TPRG1: variants seen among roughly 807,000 people sequenced by gnomAD.
The protein encoded by TPRG1 is tumor protein p63-regulated gene 1 protein.
Under a neutral mutation model 29.3 loss-of-function variants are expected in TPRG1, and 29 were observed. That is an observed-to-expected ratio of 0.99 (90% CI 0.74 to 1.35). The LOEUF (loss-of-function observed/expected upper bound fraction) is 1.35. TPRG1 is among the 40% of genes most tolerant of loss of function. The probability of loss-of-function intolerance (pLI) is 0.00; values close to 1 mark genes in which losing one functional copy is unlikely to be tolerated. For synonymous variants in TPRG1, 130 were observed against 116.8 expected (o/e 1.11, Z -0.73); for missense variants, 327 against 335.0 (o/e 0.98, Z 0.19).
At position 189,322,090 on chromosome 3, in the gene TPRG1, A is replaced by G. The variant is rs1048566412; in HGVS notation, c.*1270A>G. 10 of 151,876 alleles carry G rather than the reference A, an allele frequency of 6.6e-5. No individual in the cohort carries two copies. The highest frequency in any genetic ancestry group is 3.3e-4 in the Admixed American group (5 of 15,230). 9.4% of individuals were successfully genotyped at this position (151,876 alleles called of 1,614,324 possible). On this transcript the variant is annotated 3_prime_UTR_variant, in exon 6 of 6. Coordinates refer to ENST00000345063, the MANE Select transcript of TPRG1 (RefSeq NM_198485.4). ...TCTTATTTTATCTAAATTTATGTAG[A>G]AAAAAAAGCTTTGAATGTTGACTAC...
chr3:189,286,090 G>T (rs1315610736), intron 4 of TPRG1, among the ~76,000 whole-genome samples: 1 of 151,822 alleles, frequency 6.6e-6, no homozygotes, highest in East Asian at 1.9e-4. Flanking sequence ...GGCTTCCTTG[G>T]TACTTCTTTT....
intron 5 of TPRG1, among the ~76,000 whole-genome samples, chr3:189,160,175 T>C (rs1578598306): frequency 6.6e-6 from 1 of 152,106 alleles, no homozygotes; most frequent in Middle Eastern, 3.4e-3. Flanking sequence ...GGGTCATGAG[T>C]TGACTCTTCT....
intron 1 of TPRG1, among the ~76,000 whole-genome samples, chr3:189,120,675 A>G (rs767168944): frequency 6.6e-6 from 1 of 152,256 alleles, no homozygotes; most frequent in African/African-American, 2.4e-5. Flanking sequence ...AGTAATGTCT[A>G]GGATTAATCC....
At chr3:188,999,259 T>A (rs1329105667) in intron 1 of TPRG1, among the ~76,000 whole-genome samples, 1 of 152,008 alleles carries the variant, frequency 6.6e-6, no homozygotes, top group Non-Finnish European at 1.5e-5. Context: ...GGACTCCCTG[T>A]TGGATTAAAT....
At chr3:189,280,808 G>A (rs929049629) in intron 4 of TPRG1, among the ~76,000 whole-genome samples, 1 of 152,148 alleles carries the variant, frequency 6.6e-6, no homozygotes, top group Non-Finnish European at 1.5e-5. Flanking sequence ...TCATAGCGTT[G>A]TATTAAAGAT....
intron 3 of TPRG1, among the ~76,000 whole-genome samples, chr3:189,236,152 T>G (rs1739424387): frequency 6.6e-6 from 1 of 152,216 alleles, no homozygotes; most frequent in Non-Finnish European, 1.5e-5. Flanking sequence ...CCTGTATGTT[T>G]ACTTGAATTT....
At chr3:189,087,766 C>G (rs1200123395) in intron 4 of TPRG1, among the ~76,000 whole-genome samples, 2 of 152,176 alleles carry the variant, frequency 1.3e-5, no homozygotes, top group African/African-American at 4.8e-5. Flanking sequence ...AATAGGGAAT[C>G]CTTTCCCCAT....
chr3:189,288,370 A>G (rs773639465), intron 4 of TPRG1, among the ~76,000 whole-genome samples: 5 of 152,234 alleles, frequency 3.3e-5, no homozygotes, highest in Non-Finnish European at 5.9e-5. Flanking sequence ...AGGCCAATGT[A>G]CATTGCAGGA....
Position 189,272,713 on chromosome 3 carries a change from C to CCT in TPRG1, c.479+33804_479+33805insCT, listed in dbSNP as rs1553935880. Among the ~76,000 whole-genome samples the CCT allele has an allele frequency of 1.2e-3, 165 of 132,506 alleles. 1 individual carries two copies. Among genetic ancestry groups the CCT allele is most frequent in the Middle Eastern group, 3.6e-3 (1 of 274 alleles). 86.9% of individuals were successfully genotyped at this position (132,506 alleles called of 152,430 possible). The stretch of plus-strand genomic sequence containing the variant: ...TTTCTTTCTCTTTCTTTCTTTCTTT[C>CCT]TCCTTCCTTCCTTCCTTCCTTCCTT... On this transcript the variant is annotated intron_variant, in intron 4 of 5. Coordinates refer to ENST00000345063, the MANE Select transcript of TPRG1 (RefSeq NM_198485.4).
chr3:189,265,987 G>A (rs185103350), intron 4 of TPRG1, among the ~76,000 whole-genome samples: 1 of 152,080 alleles, frequency 6.6e-6, no homozygotes, highest in Admixed American at 6.6e-5. Context: ...ATAGGAGAAG[G>A]GTTCCTGCCA....
Position 189,239,101 on chromosome 3 carries a change from A to G in TPRG1, c.479+192A>G, listed in dbSNP as rs1740066332. Reference sequence around the variant, plus strand: ...TCCAGGGATACAACTTTAAGTAAATATATTAGTTCGTTTTCACACTGCTCA... The same window carrying G: ...TCCAGGGATACAACTTTAAGTAAATGTATTAGTTCGTTTTCACACTGCTCA... On this transcript the variant is annotated intron_variant, in intron 4 of 5. Transcript: ENST00000345063. 1.8e-5 allele frequency: 9 copies of G among 501,060 alleles called. No homozygotes were observed. The East Asian group carries it at 2.9e-4, about 16-fold the overall frequency. 31.0% of individuals were successfully genotyped at this position (501,060 alleles called of 1,614,324 possible). A position where few individuals can be genotyped will look rare whatever the true frequency, so the allele number is the denominator to read the frequency against.
chr3:189,218,039 C>T (rs1736334124), intron 3 of TPRG1: 1 of 985,256 alleles, frequency 1.0e-6, no homozygotes, highest in Middle Eastern at 5.2e-4. Context: ...TTCTTGCTTC[C>T]CATTTATTTA....
intron 5 of TPRG1, among the ~76,000 whole-genome samples, chr3:189,159,616 T>C (rs1727183164): frequency 6.6e-6 from 1 of 152,176 alleles, no homozygotes; most frequent in East Asian, 1.9e-4. Flanking sequence ...TTGTTATTAC[T>C]AGCAATCTGA....
At position 189,147,832 on chromosome 3, in the gene TPRG1, G is replaced by T. The variant is rs544431635; in HGVS notation, c.-227+185G>T. On this transcript the variant is annotated intron_variant, in intron 4 of 6. Transcript: ENST00000412373. ...GCTTGAGTCTGGCAGATGGGGGTGG[G>T]CAGGAGGTTAAGGAACTTCAGCAGA... 6.3e-4 allele frequency among the ~76,000 whole-genome samples: 96 copies of T among 152,272 alleles called. 2 individuals carry two copies. The highest frequency in any genetic ancestry group is 2.3e-3 in the African/African-American group (94 of 41,556).
At chr3:189,099,788 T>C (rs547681613), upstream of TPRG1, among the ~76,000 whole-genome samples, 6 of 152,316 alleles carry the variant, frequency 3.9e-5, no homozygotes, top group Non-Finnish European at 5.9e-5. Context: ...AAAACGATAC[T>C]GTCCCTTTCC....
intron 5 of TPRG1, among the ~76,000 whole-genome samples, chr3:189,312,091 TTCTTTGTTTCTTTG>T (rs1560688562): frequency 2.1e-5 from 2 of 96,940 alleles, no homozygotes; most frequent in Admixed American, 1.8e-4. Context: ...GTTTCTTTCT[TTCTTTGTTTCTTTG>T]TTTCTTTCTT....
At chr3:189,001,295 C>T (rs1265583693) in intron 2 of TPRG1, among the ~76,000 whole-genome samples, 1 of 152,110 alleles carries the variant, frequency 6.6e-6, no homozygotes, top group Non-Finnish European at 1.5e-5. Flanking sequence ...ACCTTTTTGT[C>T]TTGAAGAAAT....
intron 4 of TPRG1, among the ~76,000 whole-genome samples, chr3:189,261,142 G>A (rs1712953384): frequency 6.6e-6 from 1 of 152,154 alleles, no homozygotes; most frequent in African/African-American, 2.4e-5. Flanking sequence ...TAGCTGAAGT[G>A]TATGCCGCCC....
intron 4 of TPRG1, among the ~76,000 whole-genome samples, chr3:189,050,512 A>G (rs1167066047): frequency 6.6e-6 from 1 of 152,214 alleles, no homozygotes; most frequent in Non-Finnish European, 1.5e-5. Context: ...ACATTCACAG[A>G]ATTGGTACCA....
Sources: gnomAD v4.1 joint callset for allele counts (sites outside exome capture counted in the v4.1 genomes callset) on GRCh38, gnomAD v4.1.1 for gene constraint, MANE v1.5 for transcripts, NCBI Gene and HGNC (gene_info 2026-07-23, HGNC 2026-07-21) for gene names.